Variants in TNPO3 observed in about 807,000 individuals in gnomAD.
TNPO3 encodes transportin 3, also known as transportin-3.
TNPO3 carries 65 observed loss-of-function variants against 122.8 expected under a neutral mutation model. The observed-to-expected ratio is 0.53, with a 90% CI of 0.43 to 0.65. The LOEUF (loss-of-function observed/expected upper bound fraction) is 0.65. Among genes scored for constraint, TNPO3 ranks in the 30% least tolerant of loss-of-function variants. The probability of loss-of-function intolerance (pLI) is 0.00; values close to 1 mark genes in which losing one functional copy is unlikely to be tolerated. For synonymous variants in TNPO3, 372 were observed against 411.2 expected (o/e 0.90, Z 1.15); for missense variants, 850 against 1,136.7 (o/e 0.75, Z 3.63).
At chr7:128,974,290 CTTTT>C (rs200157873) in intron 18 of TNPO3, among the ~76,000 whole-genome samples, 1 of 128,256 alleles carries the variant, frequency 7.8e-6, no homozygotes. Flanking sequence ...AATGATTTTT[CTTTT>C]TTTTTTTTTT....
intron 13 of TNPO3, 122 bp downstream of exon 13, chr7:128,984,046 C>A: frequency 1.9e-6 from 1 of 529,242 alleles, no homozygotes; most frequent in East Asian, 3.2e-5. Context: ...TTAATAAATT[C>A]TTAGTGCATT....
rs200565176 is a variant in TNPO3 at position 129,018,110 on chromosome 7, A to G, written c.168T>C (p.Asp56=). The part of the protein sequence containing the change: ...ISDQLLQIRQ[D]VESCYFAAQT... ...GTGCAGCAAAATAGCATGACTCCAC[A>G]TCCTGCCGGATCTGTAACAACTGGT... The change falls in exon 2 of 23, where the codon GAT becomes GAC. Residue 56 remains aspartate (D), a synonymous_variant. Transcript: ENST00000265388. 3 of 1,614,200 alleles carry G rather than the reference A, an allele frequency of 1.9e-6. No individual in the cohort carries two copies. Among genetic ancestry groups the G allele is most frequent in the Admixed American group, 3.3e-5 (2 of 60,016 alleles).
At chr7:129,005,757 C>T (rs1467096632) in intron 4 of TNPO3, among the ~76,000 whole-genome samples, 1 of 151,462 alleles carries the variant, frequency 6.6e-6, no homozygotes, top group Non-Finnish European at 1.5e-5. Flanking sequence ...ATAAATTACC[C>T]AGTTTCAGGT....
Position 128,955,458 on chromosome 7 carries a change from G to A in TNPO3, c.*32-73C>T. 9 of 391,670 alleles carry A rather than the reference G, an allele frequency of 2.3e-5. 1 individual carries two copies. The highest frequency in any genetic ancestry group is 1.7e-4 in the South Asian group (9 of 53,762). 24.3% of individuals were successfully genotyped at this position (391,670 alleles called of 1,614,324 possible). On this transcript the variant is annotated intron_variant, in intron 22 of 22. Transcript: ENST00000265388. ...ATTTAGTAAAATCAACCTTAAGGCAGAGGTTTCTATATTTCCTCAGGTACC... is the reference window on the plus strand; with the variant it reads ...ATTTAGTAAAATCAACCTTAAGGCAAAGGTTTCTATATTTCCTCAGGTACC...
At chr7:129,049,851 T>C (rs1808492241) in intron 1 of TNPO3, among the ~76,000 whole-genome samples, 1 of 151,962 alleles carries the variant, frequency 6.6e-6, no homozygotes, top group African/African-American at 2.4e-5. Context: ...GACAAACTAT[T>C]CATGTTGCAA....
intron 1 of TNPO3, among the ~76,000 whole-genome samples, chr7:129,052,603 C>T (rs6960994): frequency 0.72 from 109,563 of 152,118 alleles, 39,995 homozygotes; most frequent in Middle Eastern, 0.78. Flanking sequence ...GTGACTAATA[C>T]TTAAATAACA....
Position 128,954,959 on chromosome 7 carries a change from C to T in TNPO3, c.*458G>A, listed in dbSNP as rs1228340563. On this transcript the variant is annotated 3_prime_UTR_variant, in exon 23 of 23. Transcript: ENST00000265388. ...ATCCCTAAGTAAATATTTTGTTTCA[C>T]AGAAAGCTTGTCCTTTTGTTTTTCT... 1.2e-5 allele frequency: 2 copies of T among 169,346 alleles called. No homozygotes were observed. The highest frequency in any genetic ancestry group is 2.6e-5 in the Non-Finnish European group (2 of 77,758). 10.5% of individuals were successfully genotyped at this position (169,346 alleles called of 1,614,324 possible).
chr7:128,979,594 C>G (rs1294340031), intron 15 of TNPO3, among the ~76,000 whole-genome samples: 1 of 152,202 alleles, frequency 6.6e-6, no homozygotes, highest in Non-Finnish European at 1.5e-5. Context: ...TAAAACATGA[C>G]TTTTGATCCT....
At chr7:129,041,096 G>A (rs1037528149) in intron 1 of TNPO3, among the ~76,000 whole-genome samples, 4 of 152,180 alleles carry the variant, frequency 2.6e-5, no homozygotes, top group African/African-American at 9.7e-5. Context: ...CAGGCATGGT[G>A]GCTCACACCT....
chr7:129,018,861 G>T (rs2150439935), intron 1 of TNPO3, among the ~76,000 whole-genome samples: 1 of 152,212 alleles, frequency 6.6e-6, no homozygotes. Context: ...TAGGATAACA[G>T]GTGTGCACCA....
chr7:128,968,746 TGCAG>T (rs1798164329), intron 20 of TNPO3, among the ~76,000 whole-genome samples: 1 of 152,186 alleles, frequency 6.6e-6, no homozygotes, highest in Admixed American at 6.5e-5. Flanking sequence ...GGTCTTGCTA[TGCAG>T]CTCAGACTGG....
intron 12 of TNPO3, 38 bp downstream of exon 12, chr7:128,986,691 T>C: frequency 6.4e-7 from 1 of 1,562,704 alleles, no homozygotes; most frequent in South Asian, 1.2e-5. Flanking sequence ...AGGTAGTGGC[T>C]TTGAGGTGAC....
intron 9 of TNPO3, among the ~76,000 whole-genome samples, chr7:128,992,515 G>A (rs1343326822): frequency 6.6e-6 from 1 of 152,002 alleles, no homozygotes; most frequent in Admixed American, 6.6e-5. Flanking sequence ...TGGTAGTACT[G>A]ACTGAATTCC....
intron 1 of TNPO3, among the ~76,000 whole-genome samples, chr7:129,035,250 G>A (rs1165991960): frequency 6.6e-6 from 1 of 152,170 alleles, no homozygotes; most frequent in African/African-American, 2.4e-5. Context: ...GTCCGGCCTG[G>A]GCGAAAGAGC....
At chr7:129,010,826 T>C (rs1392112397) in intron 4 of TNPO3, among the ~76,000 whole-genome samples, 2 of 152,040 alleles carry the variant, frequency 1.3e-5, no homozygotes, top group African/African-American at 4.8e-5. Context: ...ATCCTATAGG[T>C]TGGGTGTGGT....
chr7:129,020,655 G>T (rs1432989742), intron 1 of TNPO3, among the ~76,000 whole-genome samples: 1 of 152,050 alleles, frequency 6.6e-6, no homozygotes, highest in South Asian at 2.1e-4. Context: ...TGCCCAGGCT[G>T]GTCTTGAACT....
At chr7:128,975,654 T>C (rs1798976546) in intron 17 of TNPO3, among the ~76,000 whole-genome samples, 165 bp downstream of exon 17, 1 of 151,366 alleles carries the variant, frequency 6.6e-6, no homozygotes, top group African/African-American at 2.4e-5. Context: ...AACAGGCCTG[T>C]TCAGAGAACA....
intron 4 of TNPO3, among the ~76,000 whole-genome samples, chr7:129,013,433 GC>G (rs1284174072): frequency 2.1e-5 from 2 of 96,918 alleles, no homozygotes; most frequent in African/African-American, 3.1e-5. Context: ...CCAAATAATA[GC>G]AAAAAAAAAA....
chr7:129,048,562 G>A (rs1563114484), intron 1 of TNPO3, among the ~76,000 whole-genome samples: 1 of 151,304 alleles, frequency 6.6e-6, no homozygotes, highest in Non-Finnish European at 1.5e-5. Flanking sequence ...GCCTTATTGA[G>A]TCAAAAAGTT....
Sources: allele counts gnomAD v4.1 joint callset (sites outside exome capture counted in the v4.1 genomes callset), GRCh38; gene constraint gnomAD v4.1.1; transcripts MANE v1.5; gene names NCBI Gene and HGNC (gene_info 2026-07-23, HGNC 2026-07-21).